Variants in RIN2 observed in about 807,000 individuals in gnomAD.
RIN2 encodes the protein Ras and Rab interactor 2.
In RIN2, 36 loss-of-function variants were observed where a neutral mutation model predicts 78.0. The observed-to-expected ratio is 0.46, with a 90% confidence interval of 0.35 to 0.61. The LOEUF (loss-of-function observed/expected upper bound fraction) is 0.61. Ranked by LOEUF, RIN2 falls within the 20% of genes least tolerant of loss-of-function variation. The pLI is 0.00. For missense variants in RIN2, 1,087 were observed against 1,159.7 expected (o/e 0.94, Z 0.91); for synonymous variants, 466 against 466.8 (o/e 1.00, Z 0.02).
chr20:19,929,665 A>G (rs56751963), intron 3 of RIN2, among the ~76,000 whole-genome samples: 1,819 of 152,278 alleles, frequency 0.012, 29 homozygotes, highest in African/African-American at 0.033. Context: ...CTGGGCCTGT[A>G]GCACCAACTG....
At chr20:19,839,670 C>A (rs746063602) in intron 2 of RIN2, among the ~76,000 whole-genome samples, 1 of 152,180 alleles carries the variant, frequency 6.6e-6, no homozygotes, top group Non-Finnish European at 1.5e-5. Flanking sequence ...GGTTTCTCTC[C>A]TGGGCCTTTC....
At chr20:19,809,091 G>A (rs2035505668) in intron 2 of RIN2, 1 of 152,472 alleles carries the variant, frequency 6.6e-6, no homozygotes, top group East Asian at 1.9e-4. Flanking sequence ...GGACCTAGGT[G>A]AGCTTCTGAA....
intron 2 of RIN2, among the ~76,000 whole-genome samples, chr20:19,838,286 AATTAATTAATTT>A (rs750286688): frequency 0.012 from 1,878 of 151,890 alleles, 18 homozygotes; most frequent in East Asian, 0.035. Flanking sequence ...TGGCCTGGTT[AATTAATTAATTT>A]ACCCAATCAA....
chr20:19,995,495 C>G (rs1236226406), intron 11 of RIN2, among the ~76,000 whole-genome samples: 1 of 152,112 alleles, frequency 6.6e-6, no homozygotes, highest in Non-Finnish European at 1.5e-5. Flanking sequence ...CCATAAGTTC[C>G]TCCCCAGGCA....
intron 3 of RIN2, among the ~76,000 whole-genome samples, chr20:19,917,585 T>G (rs1365235058): frequency 6.6e-6 from 1 of 152,266 alleles, no homozygotes; most frequent in Non-Finnish European, 1.5e-5. Context: ...ATTTTTGTTC[T>G]GTCTGTGATT....
intron 5 of RIN2, among the ~76,000 whole-genome samples, chr20:19,960,363 C>T (rs1055498842): frequency 6.6e-6 from 1 of 152,170 alleles, no homozygotes; most frequent in African/African-American, 2.4e-5. Flanking sequence ...ACAGGGGCTA[C>T]AGAATATAAC....
intron 2 of RIN2, among the ~76,000 whole-genome samples, chr20:19,831,252 G>A (rs991087521): frequency 7.9e-5 from 12 of 152,264 alleles, no homozygotes; most frequent in South Asian, 4.1e-4. Context: ...GTCTAAAAAC[G>A]TAACATAAAT....
At chr20:19,792,801 G>A (rs1853117818) in intron 1 of RIN2, among the ~76,000 whole-genome samples, 1 of 152,216 alleles carries the variant, frequency 6.6e-6, no homozygotes, top group Non-Finnish European at 1.5e-5. Context: ...AGGGGGCTCA[G>A]CATAGTGCCT....
chr20:19,800,395 A>G (rs1004696096), intron 2 of RIN2, among the ~76,000 whole-genome samples: 3 of 152,142 alleles, frequency 2.0e-5, no homozygotes, highest in Admixed American at 6.5e-5. Flanking sequence ...GGAGAGGTCT[A>G]TTTTCCCTCT....
At chr20:19,823,952 C>G (rs2122927602) in intron 2 of RIN2, 1 of 1,480,892 alleles carries the variant, frequency 6.8e-7, no homozygotes, top group East Asian at 2.3e-5. Flanking sequence ...ATGGTGGAGG[C>G]AGCTGGTGTC....
intron 11 of RIN2, among the ~76,000 whole-genome samples, chr20:19,993,114 A>C (rs1459364300): frequency 6.6e-6 from 1 of 152,228 alleles, no homozygotes; most frequent in African/African-American, 2.4e-5. Flanking sequence ...TTGGCACAGT[A>C]GTGCACAGCC....
intron 9 of RIN2, among the ~76,000 whole-genome samples, chr20:19,979,984 C>T (rs1333200205): frequency 2.3e-5 from 3 of 130,028 alleles, no homozygotes; most frequent in Non-Finnish European, 4.6e-5. Context: ...GCGGAGGTTG[C>T]AATAAGCCGA....
chr20:19,978,794 T>G (rs1206861996), intron 9 of RIN2, among the ~76,000 whole-genome samples: 1 of 152,158 alleles, frequency 6.6e-6, no homozygotes, highest in African/African-American at 2.4e-5. Context: ...CAGAGAGCCA[T>G]CACCTACTCT....
chr20:19,893,751 G>C (rs1440436608), intron 3 of RIN2, among the ~76,000 whole-genome samples: 1 of 152,130 alleles, frequency 6.6e-6, no homozygotes, highest in African/African-American at 2.4e-5. Flanking sequence ...AACCATCTGG[G>C]AAAAGTGGTA....
Position 19,810,920 on chromosome 20 carries a change from C to A in RIN2, c.-37+11173C>A, listed in dbSNP as rs575902656. The stretch of plus-strand genomic sequence containing the variant: ...TAGAGACAGGGTTTCACCGTGTTAG[C>A]CAGGATTGTCTCGATCTCCTGACCT... On this transcript the variant is annotated intron_variant, in intron 2 of 12. Coordinates refer to ENST00000255006, the MANE Select transcript of RIN2 (RefSeq NM_018993.4). 5.2e-4 allele frequency among the ~76,000 whole-genome samples: 78 copies of A among 149,656 alleles called. 1 individual carries two copies. The highest frequency in any genetic ancestry group is 1.8e-3 in the African/African-American group (75 of 40,878).
At chr20:19,965,157 G>A in intron 7 of RIN2, 133 bp downstream of exon 7, 1 of 729,454 alleles carries the variant, frequency 1.4e-6, no homozygotes, top group Non-Finnish European at 2.4e-6. Context: ...GGTTACTTAA[G>A]TAAAATGTTC....
chr20:19,956,703 A>C lies in RIN2; in HGVS notation c.247A>C (p.Arg83=), dbSNP rs375970512. The C allele has an allele frequency of 6.1e-5, 99 of 1,612,438 alleles. 1 individual carries two copies. The highest frequency in any genetic ancestry group is 2.5e-6 in the Non-Finnish European group (3 of 1,179,358). ...RDSGYDSLSN[R]LSILDRLLHT... ...CTCAGGCTATGACAGCCTCTCCAAC[A>C]GGCTCAGCATCTTGGACCGGCTCCT... Residue 83 remains arginine, a synonymous_variant, in exon 5 of 13, where the codon AGG becomes CGG. Coordinates refer to ENST00000255006, the MANE Select transcript of RIN2 (RefSeq NM_018993.4).
intron 2 of RIN2, among the ~76,000 whole-genome samples, chr20:19,867,257 C>A (rs375269672): frequency 6.6e-6 from 1 of 152,142 alleles, no homozygotes; most frequent in Non-Finnish European, 1.5e-5. Flanking sequence ...GCATGAGTCA[C>A]GCCTCTTTAC....
chr20:19,934,603 TGTC>T, intron 3 of RIN2: 1 of 984,074 alleles, frequency 1.0e-6, no homozygotes, highest in Non-Finnish European at 1.2e-6. Flanking sequence ...ATCATTTTGA[TGTC>T]GTCAGAAATC....
Sources: allele counts gnomAD v4.1 joint callset (sites outside exome capture counted in the v4.1 genomes callset), GRCh38; gene constraint gnomAD v4.1.1; transcripts MANE v1.5; gene names NCBI Gene and HGNC (gene_info 2026-07-23, HGNC 2026-07-21).